Variants in TMEM132C observed in about 807,000 individuals in gnomAD.
TMEM132C encodes the protein protein phosphatase 1, regulatory subunit 152.
TMEM132C carries 29 observed loss-of-function variants against 61.4 expected under a neutral mutation model. The ratio of observed to expected loss-of-function variants is 0.47; its 90% CI spans 0.35 to 0.64. TMEM132C has a LOEUF of 0.64. Among genes scored for constraint, TMEM132C ranks in the 30% least tolerant of loss-of-function variants. The pLI, the probability that TMEM132C is intolerant of heterozygous loss-of-function variation, is 0.00. For missense variants in TMEM132C, 1,408 were observed against 1,476.9 expected, an observed-to-expected ratio of 0.95 and a Z score of 0.76; for synonymous variants, 656 against 633.1, an observed-to-expected ratio of 1.04 and a Z score of -0.54.
intron 3 of TMEM132C, among the ~76,000 whole-genome samples, chr12:128,554,272 A>G (rs1874263749): frequency 6.6e-6 from 1 of 152,134 alleles, no homozygotes; most frequent in South Asian, 2.1e-4. Flanking sequence ...GGAGGTGGGT[A>G]AGGAAGCGGG....
intron 2 of TMEM132C, among the ~76,000 whole-genome samples, chr12:128,446,980 C>T (rs1870001264): frequency 1.3e-5 from 2 of 152,112 alleles, no homozygotes; most frequent in East Asian, 1.9e-4. Flanking sequence ...GTTTTGAGGT[C>T]TCTCTTGTTG....
chr12:128,304,413 G>C (rs1871695250), intron 1 of TMEM132C, among the ~76,000 whole-genome samples: 1 of 151,834 alleles, frequency 6.6e-6, no homozygotes, highest in Non-Finnish European at 1.5e-5. Flanking sequence ...TTCAAGACCA[G>C]CCTGGCCAAC....
intron 4 of TMEM132C, among the ~76,000 whole-genome samples, chr12:128,622,360 AATATATAT>A (rs767066742): frequency 2.2e-3 from 66 of 30,066 alleles, no homozygotes; most frequent in African/African-American, 3.5e-3. Context: ...AAAAAAAAAA[AATATATAT>A]ATATATATAT....
At chr12:128,403,448 C>T (rs961209137) in intron 1 of TMEM132C, among the ~76,000 whole-genome samples, 2 of 144,162 alleles carry the variant, frequency 1.4e-5, no homozygotes, top group South Asian at 2.7e-4. Context: ...TTCTTTCTCA[C>T]GTAGACATCA....
In TMEM132C at chr12:128,302,892, ATCT is replaced by A. The variant is rs544157043; in HGVS notation, c.85+35413_85+35415del. Among the ~76,000 whole-genome samples, 100 of 152,314 alleles carry A rather than the reference ATCT, an allele frequency of 6.6e-4. 1 individual carries two copies. The highest frequency in any genetic ancestry group is 2.1e-3 in the African/African-American group (89 of 41,586). On this transcript the variant is annotated intron_variant, in intron 1 of 8. Transcript: ENST00000435159. Reference sequence around the variant, plus strand: ...TAAACCATCATTTGCAGATATTTTGATCTTCTTCTTGTATCAGTTTTCAGATAC... The same window carrying A: ...TAAACCATCATTTGCAGATATTTTGATCTTCTTGTATCAGTTTTCAGATAC...
chr12:128,563,543 T>G (rs544589469), intron 3 of TMEM132C, among the ~76,000 whole-genome samples: 1 of 152,310 alleles, frequency 6.6e-6, no homozygotes, highest in African/African-American at 2.4e-5. Flanking sequence ...ATAATGATGA[T>G]ACAATCATCT....
At chr12:128,528,403 G>A (rs963241132) in intron 2 of TMEM132C, among the ~76,000 whole-genome samples, 2 of 152,214 alleles carry the variant, frequency 1.3e-5, no homozygotes, top group Non-Finnish European at 2.9e-5. Flanking sequence ...TCTTCACTGT[G>A]TGTTCATGTA....
intron 2 of TMEM132C, among the ~76,000 whole-genome samples, chr12:128,430,872 C>T (rs1869359471): frequency 6.6e-6 from 1 of 152,188 alleles, no homozygotes; most frequent in African/African-American, 2.4e-5. Flanking sequence ...TGTTGCATCC[C>T]TCTCCCTCTC....
At chr12:128,274,353 C>A (rs1870617815) in intron 1 of TMEM132C, among the ~76,000 whole-genome samples, 1 of 151,960 alleles carries the variant, frequency 6.6e-6, no homozygotes, top group Non-Finnish European at 1.5e-5. Context: ...CTCTCAATAC[C>A]CTTCATCTTG....
At position 128,584,354 on chromosome 12, in the gene TMEM132C, G is replaced by T. The variant is rs536935809; in HGVS notation, c.1122-31798G>T. ...GAGCACATGTCACCTCCTCCAGGAA[G>T]CCCCCCTTCAATTCTGTCAGCTGGT... On this transcript the variant is annotated intron_variant, in intron 3 of 8. Transcript: ENST00000435159. Among the ~76,000 whole-genome samples, 6 of 152,254 alleles carry T rather than the reference G, an allele frequency of 3.9e-5. No homozygotes were observed. In the South Asian group the frequency reaches 1.2e-3, roughly 32 times the overall value.
chr12:128,544,293 C>T (rs1352625158), intron 3 of TMEM132C, among the ~76,000 whole-genome samples, 190 bp downstream of exon 3: 3 of 152,226 alleles, frequency 2.0e-5, no homozygotes, highest in Admixed American at 6.5e-5. Context: ...CGGGGTGGGG[C>T]GCTCGCTCTG....
At chr12:128,468,617 C>A (rs1870823788) in intron 2 of TMEM132C, among the ~76,000 whole-genome samples, 1 of 152,118 alleles carries the variant, frequency 6.6e-6, no homozygotes, top group Non-Finnish European at 1.5e-5. Context: ...CTGCGCCTGA[C>A]CAAATTTACT....
chr12:128,493,444 A>C (rs188465885), intron 2 of TMEM132C, among the ~76,000 whole-genome samples: 2 of 152,102 alleles, frequency 1.3e-5, no homozygotes, highest in Non-Finnish European at 2.9e-5. Context: ...CTTGGGCAGT[A>C]TGGCCATTTT....
intron 4 of TMEM132C, among the ~76,000 whole-genome samples, chr12:128,667,137 A>C (rs1366282962): frequency 6.6e-6 from 1 of 152,108 alleles, no homozygotes. Flanking sequence ...ACATATACAT[A>C]TATGTCCAAC....
intron 5 of TMEM132C, among the ~76,000 whole-genome samples, chr12:128,683,229 C>T (rs1434065756): frequency 6.6e-6 from 1 of 152,158 alleles, no homozygotes; most frequent in Non-Finnish European, 1.5e-5. Context: ...TACAGAGTCC[C>T]ATCTGCCAAG....
At chr12:128,486,976 A>T (rs1408094665) in intron 2 of TMEM132C, among the ~76,000 whole-genome samples, 1 of 152,010 alleles carries the variant, frequency 6.6e-6, no homozygotes, top group African/African-American at 2.4e-5. Context: ...AAACAATGTC[A>T]GGAAATCGTA....
chr12:128,700,433 G>C (rs1452998539), intron 8 of TMEM132C, among the ~76,000 whole-genome samples: 2 of 152,084 alleles, frequency 1.3e-5, no homozygotes, highest in Non-Finnish European at 2.9e-5. Context: ...GCAAGTCAAC[G>C]GTGTTCTGAG....
intron 3 of TMEM132C, among the ~76,000 whole-genome samples, chr12:128,607,475 G>T (rs1876468379): frequency 6.6e-6 from 1 of 152,162 alleles, no homozygotes; most frequent in African/African-American, 2.4e-5. Context: ...GAAGTAGGGG[G>T]TTAGGGCCGA....
chr12:128,404,030 G>A (rs1050570028), intron 1 of TMEM132C, among the ~76,000 whole-genome samples: 5 of 152,074 alleles, frequency 3.3e-5, no homozygotes, highest in Non-Finnish European at 7.4e-5. Context: ...GGCTCCTACC[G>A]ACTAGATGTC....
Sources: gnomAD v4.1 joint callset for allele counts (sites outside exome capture counted in the v4.1 genomes callset) on GRCh38, gnomAD v4.1.1 for gene constraint, MANE v1.5 for transcripts, NCBI Gene and HGNC (gene_info 2026-07-23, HGNC 2026-07-21) for gene names.